The following BCAS1 variants were observed in gnomAD, a reference collection of about 807,000 sequenced individuals.
The protein encoded by BCAS1 is breast carcinoma-amplified sequence 1.
In BCAS1, 46 loss-of-function variants were observed where a neutral mutation model predicts 65.4. That is an observed-to-expected ratio of 0.70 (90% CI 0.55 to 0.90). The LOEUF (loss-of-function observed/expected upper bound fraction) is 0.90, where lower values mean the gene tolerates loss of function less well. Ranked by LOEUF, BCAS1 falls within the 40% of genes least tolerant of loss-of-function variation. The probability of loss-of-function intolerance (pLI) is 0.00; values close to 1 mark genes in which losing one functional copy is unlikely to be tolerated. For missense variants in BCAS1, 793 were observed against 771.2 expected (o/e 1.03, Z -0.33); for synonymous variants, 298 against 293.5 (o/e 1.02, Z -0.16).
At chr20:54,058,999 A>G (rs889037418) in intron 1 of BCAS1, among the ~76,000 whole-genome samples, 1 of 152,184 alleles carries the variant, frequency 6.6e-6, no homozygotes, top group African/African-American at 2.4e-5. Flanking sequence ...ACACCTCTCC[A>G]CAGGACACCA....
intron 12 of BCAS1, among the ~76,000 whole-genome samples, chr20:53,950,249 C>G (rs760157401): frequency 2.0e-5 from 3 of 152,200 alleles, no homozygotes; most frequent in Non-Finnish European, 4.4e-5. Flanking sequence ...GGCCTTGTTT[C>G]TCTTCCTGAA....
At chr20:53,955,784 G>C (rs199889546) in intron 11 of BCAS1, among the ~76,000 whole-genome samples, 5 of 60,442 alleles carry the variant, frequency 8.3e-5, no homozygotes, top group East Asian at 2.9e-3. Flanking sequence ...AACACTCCTA[G>C]GTGGGATGTT....
chr20:54,040,656 C>T (rs2091974147), intron 3 of BCAS1, among the ~76,000 whole-genome samples: 1 of 151,062 alleles, frequency 6.6e-6, no homozygotes, highest in Non-Finnish European at 1.5e-5. Flanking sequence ...GTCTTCACAC[C>T]CACGAGGATG....
chr20:54,010,551 T>C (rs1179037107), intron 4 of BCAS1, among the ~76,000 whole-genome samples: 1 of 152,218 alleles, frequency 6.6e-6, no homozygotes, highest in Non-Finnish European at 1.5e-5. Flanking sequence ...GCAAAACTTG[T>C]ATGCTGAAAG....
intron 12 of BCAS1, among the ~76,000 whole-genome samples, chr20:53,951,411 C>T (rs566791723): frequency 1.3e-5 from 2 of 152,282 alleles, no homozygotes; most frequent in African/African-American, 2.4e-5. Context: ...GCGGAGGTTG[C>T]GGTGAGCCGA....
At chr20:54,004,021 G>A (rs542017670) in intron 4 of BCAS1, among the ~76,000 whole-genome samples, 6 of 152,270 alleles carry the variant, frequency 3.9e-5, no homozygotes, top group Non-Finnish European at 7.4e-5. Context: ...GTATGTCCGC[G>A]CACACACACA....
In BCAS1 at chr20:53,965,007, A is replaced by C. The variant is rs532636851; in HGVS notation, c.1485+1899T>G. ...GGGGATCCCATTTGTAAGTTAGATGAGTTGCCGGAAACAGGCCAAATGTTC... is the reference window on the plus strand; with the variant it reads ...GGGGATCCCATTTGTAAGTTAGATGCGTTGCCGGAAACAGGCCAAATGTTC... On this transcript the variant is annotated intron_variant, in intron 10 of 12. Coordinates refer to ENST00000688948, the MANE Select transcript of BCAS1 (RefSeq NM_001366298.2). Among the ~76,000 whole-genome samples the C allele has an allele frequency of 1.3e-4, 20 of 152,208 alleles. No individual in the cohort carries two copies. The South Asian group carries it at 4.1e-3, about 32-fold the overall frequency.
At chr20:53,989,406 G>A (rs2090698064) in intron 7 of BCAS1, among the ~76,000 whole-genome samples, 1 of 152,042 alleles carries the variant, frequency 6.6e-6, no homozygotes, top group South Asian at 2.1e-4. Flanking sequence ...CTAGAGTCTT[G>A]GTCATCATCA....
chr20:53,981,817 C>CGTGT (rs746686402), intron 8 of BCAS1, among the ~76,000 whole-genome samples: 7 of 112,982 alleles, frequency 6.2e-5, no homozygotes, highest in African/African-American at 1.4e-4. Context: ...AATACATGTG[C>CGTGT]GTGCGTGTGT....
intron 4 of BCAS1, among the ~76,000 whole-genome samples, chr20:54,007,220 G>A (rs1182912708): frequency 1.3e-5 from 2 of 152,236 alleles, no homozygotes; most frequent in Non-Finnish European, 2.9e-5. Flanking sequence ...CTAAAGGGCT[G>A]CAAGGCAATG....
At chr20:53,999,790 G>A (rs748341585) in intron 4 of BCAS1, among the ~76,000 whole-genome samples, 8 of 152,068 alleles carry the variant, frequency 5.3e-5, no homozygotes, top group Non-Finnish European at 8.8e-5. Context: ...GAGTGCAGTG[G>A]CATGATCTTG....
chr20:54,042,281 A>G (rs2092013660), intron 3 of BCAS1, among the ~76,000 whole-genome samples: 1 of 152,046 alleles, frequency 6.6e-6, no homozygotes, highest in African/African-American at 2.4e-5. Context: ...CAGAAAAAAT[A>G]ACTAGTGGGT....
At chr20:54,038,130 C>T (rs2146183123) in intron 3 of BCAS1, among the ~76,000 whole-genome samples, 2 of 151,390 alleles carry the variant, frequency 1.3e-5, no homozygotes, top group African/African-American at 2.4e-5. Flanking sequence ...TCTCAACATA[C>T]CAACATGTTT....
chr20:53,967,147 T>A (rs1600729340), intron 9 of BCAS1, 74 bp from the exon 10 acceptor site: 2 of 1,505,924 alleles, frequency 1.3e-6, no homozygotes, highest in Non-Finnish European at 1.8e-6. Flanking sequence ...CAAAGTGGGG[T>A]CCTTGTTGCC....
At chr20:53,974,103 T>C (rs1011261210) in intron 9 of BCAS1, among the ~76,000 whole-genome samples, 1 of 152,120 alleles carries the variant, frequency 6.6e-6, no homozygotes, top group African/African-American at 2.4e-5. Flanking sequence ...AAAAGGATTG[T>C]AAATGCACCA....
chr20:54,037,544 G>A (rs2091919795), intron 3 of BCAS1, among the ~76,000 whole-genome samples: 1 of 151,368 alleles, frequency 6.6e-6, no homozygotes, highest in Admixed American at 6.6e-5. Flanking sequence ...GTAACAAGAG[G>A]CATTTTATTT....
rs1349419791 is a variant in BCAS1 at position 54,028,692 on chromosome 20, C to A, written c.423G>T (p.Pro141=). The A allele has an allele frequency of 3.1e-6, 5 of 1,614,036 alleles. No individual in the cohort carries two copies. Among genetic ancestry groups the A allele is most frequent in the Non-Finnish European group, 4.2e-6 (5 of 1,180,034 alleles). The change falls in exon 4 of 13, where the codon CCG becomes CCT. Residue 141 remains proline, a synonymous_variant. Transcript: ENST00000688948. ...TGTCCTGCCCCGGTCCAGCTGCCAC[C>A]GGAAGTGTCCAGCTCTCACTTGGGT... is the stretch of plus-strand genomic sequence containing the variant. ...NKDPSESWTL[P]VAAGPGQDTD...
At chr20:53,968,160 A>T (rs2145639365) in intron 9 of BCAS1, among the ~76,000 whole-genome samples, 1 of 152,312 alleles carries the variant, frequency 6.6e-6, no homozygotes, top group Admixed American at 6.5e-5. Context: ...CGCCTGATGG[A>T]TTTTACGCAT....
intron 3 of BCAS1, among the ~76,000 whole-genome samples, chr20:54,039,818 C>T (rs2091960122): frequency 6.6e-6 from 1 of 151,318 alleles, no homozygotes; most frequent in African/African-American, 2.4e-5. Context: ...ACATCTGCAA[C>T]CTGATGTGGC....
Sources: allele counts gnomAD v4.1 joint callset (sites outside exome capture counted in the v4.1 genomes callset), GRCh38; gene constraint gnomAD v4.1.1; transcripts MANE v1.5; gene names NCBI Gene and HGNC (gene_info 2026-07-23, HGNC 2026-07-21).